Variants in NAALADL2 observed in about 807,000 individuals in gnomAD.
The protein encoded by NAALADL2 is N-acetylated alpha-linked acidic dipeptidase like 2.
A neutral mutation model predicts 87.2 loss-of-function variants in NAALADL2; 76 were observed. The observed-to-expected ratio is 0.87, with a 90% CI of 0.72 to 1.05. The LOEUF (loss-of-function observed/expected upper bound fraction) is 1.05, where lower values mean the gene tolerates loss of function less well. Ranked by LOEUF, NAALADL2 falls within the 50% of genes least tolerant of loss-of-function variation. The pLI is 0.00. For missense variants in NAALADL2, 1,089 were observed against 945.8 expected, an observed-to-expected ratio of 1.15 and a Z score of -1.99; for synonymous variants, 354 against 331.0, an observed-to-expected ratio of 1.07 and a Z score of -0.75.
chr3:174,546,269 T>A (rs1408938776), intron 1 of NAALADL2, among the ~76,000 whole-genome samples: 1 of 152,120 alleles, frequency 6.6e-6, no homozygotes, highest in African/African-American at 2.4e-5. Flanking sequence ...GTATGTAAAC[T>A]TTACCTAATT....
intron 8 of NAALADL2, among the ~76,000 whole-genome samples, chr3:175,469,449 G>A (rs1724560837): frequency 6.6e-6 from 1 of 151,980 alleles, no homozygotes. Context: ...AATTTTGCTT[G>A]CATAGAAAAC....
chr3:174,870,664 T>C (rs1012313256), intron 1 of NAALADL2, among the ~76,000 whole-genome samples: 1 of 151,976 alleles, frequency 6.6e-6, no homozygotes, highest in African/African-American at 2.4e-5. Flanking sequence ...TCAAGGAAAA[T>C]CTGAATCAAT....
At chr3:175,646,496 AT>A (rs892596518) in intron 11 of NAALADL2, among the ~76,000 whole-genome samples, 17 of 151,998 alleles carry the variant, frequency 1.1e-4, no homozygotes, top group African/African-American at 3.9e-4. Flanking sequence ...GCATGTAGTC[AT>A]TTTTTTCTTT....
chr3:175,312,982 C>A (rs538005487), intron 4 of NAALADL2, among the ~76,000 whole-genome samples: 7 of 152,104 alleles, frequency 4.6e-5, no homozygotes, highest in African/African-American at 1.7e-4. Flanking sequence ...ATAGACTGGG[C>A]GGCTTAAACT....
At position 175,618,651 on chromosome 3, in the gene NAALADL2, T is replaced by C. The variant is rs76736800; in HGVS notation, c.1801-8640T>C. The stretch of plus-strand genomic sequence containing the variant: ...CATCCCTTAGTCGCCTTCCTCCTTT[T>C]GGAGTGACACAGGATGGAGGGAGAG... On this transcript the variant is annotated intron_variant, in intron 10 of 13. Coordinates refer to ENST00000454872, the MANE Select transcript of NAALADL2 (RefSeq NM_207015.3). Among the ~76,000 whole-genome samples the C allele has an allele frequency of 8.5e-3, 1,298 of 152,250 alleles. 16 individuals are homozygous for C. The highest frequency in any genetic ancestry group is 0.029 in the African/African-American group (1,197 of 41,558).
At chr3:174,779,459 G>A (rs535060070) in intron 3 of NAALADL2, among the ~76,000 whole-genome samples, 228 of 152,228 alleles carry the variant, frequency 1.5e-3, no homozygotes, top group African/African-American at 5.2e-3. Flanking sequence ...CTTTTACTGT[G>A]CAGAAGCTCT....
intron 9 of NAALADL2, among the ~76,000 whole-genome samples, chr3:175,506,533 G>T (rs1268729942): frequency 6.6e-6 from 1 of 152,154 alleles, no homozygotes; most frequent in African/African-American, 2.4e-5. Context: ...GATATAGGTT[G>T]AAAAATGTAA....
chr3:175,081,054 G>T (rs1202800635), intron 1 of NAALADL2: 1 of 152,114 alleles, frequency 6.6e-6, no homozygotes, highest in Non-Finnish European at 1.5e-5. Flanking sequence ...GATTGTAAAT[G>T]GGACACTGAC....
At chr3:175,613,862 ATT>A (rs899349304) in intron 10 of NAALADL2, among the ~76,000 whole-genome samples, 4 of 152,140 alleles carry the variant, frequency 2.6e-5, no homozygotes, top group African/African-American at 7.2e-5. Flanking sequence ...TACATAAAAT[ATT>A]TTTTCAATTC....
chr3:175,672,922 A>G (rs1734200610), intron 11 of NAALADL2, among the ~76,000 whole-genome samples: 1 of 152,174 alleles, frequency 6.6e-6, no homozygotes, highest in African/African-American at 2.4e-5. Context: ...TGCTTTCTTC[A>G]AATTATCAGG....
At chr3:175,627,178 A>G (rs1727100390) in intron 10 of NAALADL2, 113 bp from the exon 11 acceptor site, 1 of 775,924 alleles carries the variant, frequency 1.3e-6, no homozygotes, top group East Asian at 2.7e-5. Flanking sequence ...AGCAATCAAC[A>G]GAAACCTTAA....
intron 10 of NAALADL2, among the ~76,000 whole-genome samples, chr3:175,614,912 A>G (rs1725132674): frequency 1.3e-5 from 2 of 152,224 alleles, no homozygotes; most frequent in South Asian, 4.1e-4. Flanking sequence ...GACAAATGAA[A>G]TGAATCATAA....
At chr3:175,418,502 G>C (rs920737569) in intron 5 of NAALADL2, among the ~76,000 whole-genome samples, 1 of 152,120 alleles carries the variant, frequency 6.6e-6, no homozygotes, top group African/African-American at 2.4e-5. Context: ...GGAACTTCAT[G>C]AGATTGAATA....
intron 9 of NAALADL2, among the ~76,000 whole-genome samples, chr3:175,566,708 G>T (rs1717198119): frequency 6.6e-6 from 1 of 151,676 alleles, no homozygotes; most frequent in African/African-American, 2.4e-5. Flanking sequence ...ATGTATAAAG[G>T]CATTTATAAT....
chr3:175,431,905 T>C (rs1027592826), intron 5 of NAALADL2, among the ~76,000 whole-genome samples: 3 of 151,992 alleles, frequency 2.0e-5, no homozygotes, highest in Non-Finnish European at 4.4e-5. Flanking sequence ...AATTACCTCA[T>C]TGCCACTACT....
chr3:174,452,086 G>T (rs1353222936), intron 1 of NAALADL2, among the ~76,000 whole-genome samples: 2 of 151,736 alleles, frequency 1.3e-5, no homozygotes. Context: ...CGAGTGATCT[G>T]CCTGCCTTGG....
chr3:174,847,864 G>A (rs1724809609), intron 3 of NAALADL2, among the ~76,000 whole-genome samples: 1 of 150,900 alleles, frequency 6.6e-6, no homozygotes, highest in Non-Finnish European at 1.5e-5. Context: ...GATCCACCCA[G>A]GTAGCTGAAC....
At chr3:175,750,340 G>A (rs1746476141) in intron 12 of NAALADL2, among the ~76,000 whole-genome samples, 1 of 152,046 alleles carries the variant, frequency 6.6e-6, no homozygotes, top group South Asian at 2.1e-4. Context: ...TCCTAAATTG[G>A]CTTGTCTAGG....
Position 175,687,275 on chromosome 3 carries a change from A to G in NAALADL2, c.1897-50031A>G, listed in dbSNP as rs115358786. 1.5e-3 allele frequency among the ~76,000 whole-genome samples: 225 copies of G among 152,324 alleles called. 1 individual carries two copies. Among genetic ancestry groups the G allele is most frequent in the African/African-American group, 5.2e-3 (215 of 41,576 alleles). On this transcript the variant is annotated intron_variant, in intron 11 of 13. Coordinates refer to ENST00000454872, the MANE Select transcript of NAALADL2 (RefSeq NM_207015.3). The stretch of plus-strand genomic sequence containing the variant: ...TATAATTAATGAAAATAACTCTCAT[A>G]TATAGATTATGAAGACATTTTCAAA...
Sources: allele counts gnomAD v4.1 joint callset (sites outside exome capture counted in the v4.1 genomes callset), GRCh38; gene constraint gnomAD v4.1.1; transcripts MANE v1.5; gene names NCBI Gene and HGNC (gene_info 2026-07-23, HGNC 2026-07-21).